RSPRY1: variants seen among roughly 807,000 people sequenced by gnomAD.
RSPRY1 encodes RING finger and SPRY domain-containing protein 1.
In RSPRY1, 23 loss-of-function variants were observed where a neutral mutation model predicts 73.1. The ratio of observed to expected loss-of-function variants is 0.31; its 90% confidence interval spans 0.23 to 0.45. The LOEUF (loss-of-function observed/expected upper bound fraction) is 0.45, where lower values mean the gene tolerates loss of function less well. Ranked by LOEUF, RSPRY1 falls within the 20% of genes least tolerant of loss-of-function variation. RSPRY1 has a pLI of 1.00. For missense variants in RSPRY1, 448 were observed against 698.7 expected, an observed-to-expected ratio of 0.64 and a Z score of 4.05; for synonymous variants, 226 against 251.4, an observed-to-expected ratio of 0.90 and a Z score of 0.95.
chr16:57,215,451 C>T (rs1167229126), intron 6 of RSPRY1, among the ~76,000 whole-genome samples: 1 of 152,156 alleles, frequency 6.6e-6, no homozygotes, highest in Non-Finnish European at 1.5e-5. Flanking sequence ...TCTGGAGCTC[C>T]TCTGGTGGCT....
intron 12 of RSPRY1, 106 bp from the exon 13 acceptor site, chr16:57,231,061 C>T: frequency 9.7e-7 from 1 of 1,032,324 alleles, no homozygotes; most frequent in Non-Finnish European, 1.4e-6. Context: ...TTCCTTTCTG[C>T]CAGGGTAGGA....
chr16:57,234,526 G>A (rs573090653), intron 13 of RSPRY1, among the ~76,000 whole-genome samples: 1 of 152,224 alleles, frequency 6.6e-6, no homozygotes, highest in Non-Finnish European at 1.5e-5. Flanking sequence ...ACAGTGCCTG[G>A]CACACAGTAA....
At position 57,221,254 on chromosome 16, in the gene RSPRY1, A is replaced by AT. The variant is rs2075030140; in HGVS notation, c.1018-12dup. On this transcript the variant is annotated splice_polypyrimidine_tract_variant and intron_variant, in intron 9 of 14. Transcript: ENST00000394420. ...TCAGGCCCTCATAGTTGATTGACAC[A>AT]TTTTTTGGTTTTGCCAGGCTCGCTG... 1.2e-6 allele frequency: 2 copies of AT among 1,612,748 alleles called. No homozygotes were observed. The highest frequency in any genetic ancestry group is 1.7e-6 in the Non-Finnish European group (2 of 1,179,624).
At chr16:57,209,723 G>A (rs1427456339) in intron 4 of RSPRY1, among the ~76,000 whole-genome samples, 1 of 152,070 alleles carries the variant, frequency 6.6e-6, no homozygotes, top group African/African-American at 2.4e-5. Context: ...ACCCAGGCTG[G>A]CGTGCAGTAG....
At chr16:57,237,481 G>A (rs2075316967) in intron 14 of RSPRY1, among the ~76,000 whole-genome samples, 1 of 151,766 alleles carries the variant, frequency 6.6e-6, no homozygotes, top group Non-Finnish European at 1.5e-5. Flanking sequence ...ACTCAAATAG[G>A]CCAGAGGCAG....
chr16:57,196,020 C>CAAAA (rs1185993362), intron 1 of RSPRY1, among the ~76,000 whole-genome samples: 122 of 127,248 alleles, frequency 9.6e-4, no homozygotes, highest in African/African-American at 3.6e-3. Flanking sequence ...GACTTCATCT[C>CAAAA]AAAAAAAAAA....
At chr16:57,230,942 G>T in intron 12 of RSPRY1, 129 bp downstream of exon 12, 1 of 704,306 alleles carries the variant, frequency 1.4e-6, no homozygotes, top group Non-Finnish European at 2.4e-6. Context: ...AAGTGATTGG[G>T]AACCCATTTG....
In RSPRY1 at chr16:57,215,687, T is replaced by TTAGTG. The variant is rs1444259912; in HGVS notation, c.703-419_703-415dup. Among the ~76,000 whole-genome samples, 6 of 152,376 alleles carry TTAGTG rather than the reference T, an allele frequency of 3.9e-5. No homozygotes were observed. The East Asian group carries it at 1.2e-3, about 29-fold the overall frequency. On this transcript the variant is annotated intron_variant, in intron 6 of 14. Transcript: ENST00000394420. ...TAATTATTTATAATTTTGCAACTTG[T>TTAGTG]TAGTGATAAGTGGTTCTTTTTAGGA...
intron 13 of RSPRY1, among the ~76,000 whole-genome samples, chr16:57,232,810 T>G (rs1157773559): frequency 6.6e-6 from 1 of 152,194 alleles, no homozygotes; most frequent in Non-Finnish European, 1.5e-5. Flanking sequence ...GTACCCAAAG[T>G]TCGTCTTGTC....
At chr16:57,227,190 A>C in intron 10 of RSPRY1, 152 bp from the exon 11 acceptor site, 1 of 595,722 alleles carries the variant, frequency 1.7e-6, no homozygotes, top group Admixed American at 2.8e-5. Flanking sequence ...TCTAAGTCAT[A>C]ATTTTAGTAT....
chr16:57,216,006 A>C lies in RSPRY1; in HGVS notation c.703-101A>C, dbSNP rs1175584542. ...TGAAACTTTTCTGACCACTCGAAAA[A>C]ACATCTAGCACATATTGGGCAAGGA... is the stretch of plus-strand genomic sequence containing the variant. On this transcript the variant is annotated intron_variant, in intron 6 of 14. Transcript: ENST00000394420. The C allele has an allele frequency of 3.4e-6, 3 of 877,146 alleles. No homozygotes were observed. In the African/African-American group the frequency reaches 5.1e-5, roughly 15 times the overall value. 54.3% of individuals were successfully genotyped at this position (877,146 alleles called of 1,614,324 possible).
chr16:57,206,638 C>G (rs1373757510), intron 2 of RSPRY1, among the ~76,000 whole-genome samples: 1 of 152,152 alleles, frequency 6.6e-6, no homozygotes, highest in East Asian at 1.9e-4. Flanking sequence ...TCATGACTCA[C>G]TGCAGCCTCA....
chr16:57,203,960 A>C (rs183777658), intron 1 of RSPRY1, among the ~76,000 whole-genome samples: 1 of 152,340 alleles, frequency 6.6e-6, no homozygotes, highest in East Asian at 1.9e-4. Flanking sequence ...GGGAAACTCT[A>C]TCCTTTTATT....
At chr16:57,187,322 GGAAACCGACT>G (rs1425332246) in intron 1 of RSPRY1, among the ~76,000 whole-genome samples, 1 of 152,138 alleles carries the variant, frequency 6.6e-6, no homozygotes, top group Non-Finnish European at 1.5e-5. Flanking sequence ...CTTTGGGGAG[GGAAACCGACT>G]GAGACCGAGG....
chr16:57,217,554 A>G (rs1281176947), intron 8 of RSPRY1, among the ~76,000 whole-genome samples: 1 of 152,222 alleles, frequency 6.6e-6, no homozygotes, highest in African/African-American at 2.4e-5. Context: ...TCTTTTAGGT[A>G]GAATTTATCT....
At chr16:57,211,158 C>T (rs2074835751) in intron 4 of RSPRY1, among the ~76,000 whole-genome samples, 1 of 151,714 alleles carries the variant, frequency 6.6e-6, no homozygotes. Context: ...GCTGAATGTA[C>T]TGGCTCATGC....
intron 1 of RSPRY1, among the ~76,000 whole-genome samples, chr16:57,198,030 A>T (rs542510845): frequency 6.7e-6 from 1 of 150,196 alleles, no homozygotes; most frequent in African/African-American, 2.5e-5. Flanking sequence ...CCATCCTATC[A>T]GATTTAGTCA....
At chr16:57,218,233 A>G (rs752215504) in intron 8 of RSPRY1, among the ~76,000 whole-genome samples, 6 of 152,212 alleles carry the variant, frequency 3.9e-5, no homozygotes, top group Non-Finnish European at 8.8e-5. Context: ...CAGTCATACA[A>G]TGAGTAATTA....
intron 1 of RSPRY1, among the ~76,000 whole-genome samples, chr16:57,196,704 T>C (rs1057192049): frequency 9.9e-5 from 15 of 152,246 alleles, no homozygotes; most frequent in African/African-American, 3.6e-4. Flanking sequence ...TACGGGGTAG[T>C]TCTGTAAAAG....
Sources: gnomAD v4.1 joint callset for allele counts (sites outside exome capture counted in the v4.1 genomes callset) on GRCh38, gnomAD v4.1.1 for gene constraint, MANE v1.5 for transcripts, NCBI Gene and HGNC (gene_info 2026-07-23, HGNC 2026-07-21) for gene names.